F8: variants seen among roughly 807,000 people sequenced by gnomAD.
The protein encoded by F8 is coagulation factor VIII.
In F8, 12 loss-of-function variants were observed where a neutral mutation model predicts 140.6. The observed-to-expected ratio is 0.09, with a 90% CI of 0.05 to 0.14. The LOEUF (loss-of-function observed/expected upper bound fraction) is 0.14. Among genes scored for constraint, F8 ranks in the 10% least tolerant of loss-of-function variants. The pLI is 1.00. For missense variants in F8, 1,354 were observed against 1,720.7 expected (o/e 0.79, Z 3.77); for synonymous variants, 585 against 614.6 (o/e 0.95, Z 0.71).
intron 13 of F8, among the ~76,000 whole-genome samples, chrX:154,933,242 A>G (rs782588678): frequency 8.9e-6 from 1 of 112,541 alleles, no homozygotes; most frequent in South Asian, 3.7e-4. Flanking sequence ...AATTTCACAT[A>G]TACAAAATTT....
At position 154,968,233 on chromosome X, in the gene F8, G is replaced by A. The variant is rs1336368818; in HGVS notation, c.1009+1098C>T. Among the ~76,000 whole-genome samples the A allele has an allele frequency of 3.6e-5, 4 of 111,486 alleles. No individual in the cohort carries two copies. In the Admixed American group the frequency reaches 3.8e-4, roughly 11 times the overall value. On this transcript the variant is annotated intron_variant, in intron 7 of 25. Transcript: ENST00000360256. ...ACTAATGCAGTTATCTGGGGAAAGTGTTCATGGGAGTGGATTTGTTATCAC... is the reference window on the plus strand; with the variant it reads ...ACTAATGCAGTTATCTGGGGAAAGTATTCATGGGAGTGGATTTGTTATCAC...
intron 18 of F8, 88 bp from the exon 19 acceptor site, chrX:154,902,255 G>T: frequency 2.8e-6 from 2 of 706,288 alleles, no homozygotes; most frequent in Non-Finnish European, 2.3e-6. Flanking sequence ...TATCAGAGTA[G>T]ACCTACCAAA....
intron 1 of F8, among the ~76,000 whole-genome samples, chrX:155,003,469 T>C (rs983764671): frequency 9.5e-6 from 1 of 105,695 alleles, no homozygotes; most frequent in Admixed American, 1.0e-4. Flanking sequence ...AGGCTATGCA[T>C]GGGCCCAGAA....
chrX:154,982,841 G>C (rs2073536974), intron 6 of F8, among the ~76,000 whole-genome samples: 1 of 112,061 alleles, frequency 8.9e-6, no homozygotes, highest in South Asian at 3.7e-4. Context: ...TAGTGATGCT[G>C]GAAGTACTCC....
At chrX:154,859,414 T>C (rs1557272658) in intron 25 of F8, among the ~76,000 whole-genome samples, 1 of 108,105 alleles carries the variant, frequency 9.3e-6, no homozygotes, top group African/African-American at 3.4e-5. Context: ...GCCATTCTCC[T>C]GTCTCAGCCT....
rs147682299 is a variant in F8, at chrX:154,868,244, C to T, written c.6430-5017G>A. Reference sequence around the variant, plus strand: ...TGGATCATGGGGATGGTTTCCCCCACGCTGTTCTCCTGATAGTGAGTTCTT... The same window carrying T: ...TGGATCATGGGGATGGTTTCCCCCATGCTGTTCTCCTGATAGTGAGTTCTT... On this transcript the variant is annotated intron_variant, in intron 22 of 25. Transcript: ENST00000360256. Among the ~76,000 whole-genome samples the T allele has an allele frequency of 5.2e-4, 58 of 111,787 alleles. 1 individual carries two copies. The East Asian group carries it at 6.2e-3, about 12-fold the overall frequency.
At position 154,966,063 on chromosome X, in the gene F8, G is replaced by T. The variant is rs1557281954; in HGVS notation, c.1350C>A (p.Tyr450Ter). 8.3e-7 allele frequency: 1 copy of T among 1,209,972 alleles called. No individual in the cohort carries two copies. Among genetic ancestry groups the T allele is most frequent in the East Asian group, 3.0e-5 (1 of 33,846 alleles). The stretch of plus-strand genomic sequence containing the variant: ...CACGAGTCTTAAAGGTTTCATCTGT[G>T]TATGCCATAAATCGGACTTTTTTGT... ...RKYKKVRFMA[Y>*]TDETFKTREA... The change falls in exon 9 of 26, where the codon TAC becomes TAA. Residue 450 changes from tyrosine (Y) to a stop codon, truncating the protein, a stop_gained. Coordinates refer to ENST00000360256, the MANE Select transcript of F8 (RefSeq NM_000132.4). LOFTEE classifies it high-confidence loss of function.
At chrX:154,876,885 A>G (rs1273977926) in intron 22 of F8, among the ~76,000 whole-genome samples, 1 of 111,611 alleles carries the variant, frequency 9.0e-6, no homozygotes, top group Admixed American at 9.5e-5. Flanking sequence ...AAAATAATGA[A>G]TGTGTAGTCT....
intron 1 of F8, among the ~76,000 whole-genome samples, chrX:155,011,187 A>C (rs1342493559): frequency 2.7e-5 from 3 of 112,366 alleles, no homozygotes; most frequent in Non-Finnish European, 5.6e-5. Context: ...AGAATAAATA[A>C]AGAACTTATA....
rs1557278757 is a variant in F8, at chrX:154,930,978, T to C, written c.2812A>G (p.Thr938Ala). Reference protein sequence around the residue: ...MPVHYDSQLDTTLFGKKSSPL... With the variant: ...MPVHYDSQLDATLFGKKSSPL... ...GATGACTTTTTGCCAAATAGAGTGG[T>C]ATCTAATTGACTATCATAATGAACT... The change falls in exon 14 of 26, where the codon ACC becomes GCC. Residue 938 changes from threonine to alanine, a missense_variant. Around this residue, in one of 4 missense-constraint regions of F8, gnomAD observed 658 missense variants for 666.5 expected, o/e 0.99. Transcript: ENST00000360256. 8.4e-6 allele frequency: 10 copies of C among 1,191,902 alleles called. No individual in the cohort carries two copies. The highest frequency in any genetic ancestry group is 1.8e-5 in the African/African-American group (1 of 56,525).
At position 154,860,527 on chromosome X, in the gene F8, A is replaced by G. The variant is rs2072682569; in HGVS notation, c.6805T>C (p.Ser2269Pro). 1 of 1,210,739 alleles carries G rather than the reference A, an allele frequency of 8.3e-7. No individual in the cohort carries two copies. The highest frequency in any genetic ancestry group is 3.0e-5 in the East Asian group (1 of 33,839). ...TTCACATACATGCTGGTAAGCAGAG[A>G]TTTTACTCCCTGAGTAGTTACTCCT... ...VTGVTTQGVK[S>P]LLTSMYVKEF... The change falls in exon 25 of 26, where the codon TCT (serine) becomes CCT (proline). Residue 2269 changes from serine (S) to proline (P), a missense_variant. By Grantham distance (74) the Ser-to-Pro change is moderately conservative. Coordinates refer to ENST00000360256, the MANE Select transcript of F8 (RefSeq NM_000132.4).
chrX:154,914,068 G>A (rs2073082180), intron 14 of F8, among the ~76,000 whole-genome samples: 2 of 113,046 alleles, frequency 1.8e-5, no homozygotes, highest in South Asian at 3.6e-4. Flanking sequence ...TGAAATCTAG[G>A]TGGACATTCC....
intron 22 of F8, among the ~76,000 whole-genome samples, chrX:154,874,135 A>G (rs2072795194): frequency 8.9e-6 from 1 of 112,626 alleles, no homozygotes; most frequent in African/African-American, 3.2e-5. Flanking sequence ...GTAAGAAACA[A>G]CCCAATTAAA....
intron 22 of F8, among the ~76,000 whole-genome samples, chrX:154,868,115 T>C (rs1171886715): frequency 8.9e-6 from 1 of 111,923 alleles, no homozygotes; most frequent in Admixed American, 9.5e-5. Context: ...TTTTTCCTTT[T>C]AGATACTGAT....
At chrX:155,009,081 ATTT>A (rs781938309) in intron 1 of F8, among the ~76,000 whole-genome samples, 2 of 98,055 alleles carry the variant, frequency 2.0e-5, no homozygotes. Context: ...AGTAACATTA[ATTT>A]TTTTTTTTTT....
At chrX:154,897,776 G>C (rs2072989682) in intron 21 of F8, 1 of 112,597 alleles carries the variant, frequency 8.9e-6, no homozygotes, top group African/African-American at 3.2e-5. Flanking sequence ...TTTTCCAGCA[G>C]CCTTGCTAGA....
chrX:155,008,477 T>TG (rs1357115219), intron 1 of F8, among the ~76,000 whole-genome samples: 2 of 111,001 alleles, frequency 1.8e-5, no homozygotes, highest in African/African-American at 6.6e-5. Flanking sequence ...TGGCAGGGGC[T>TG]GGGGGTGCCA....
intron 14 of F8, among the ~76,000 whole-genome samples, chrX:154,912,441 T>C (rs1557276832): frequency 8.9e-6 from 1 of 112,569 alleles, no homozygotes; most frequent in African/African-American, 3.2e-5. Flanking sequence ...TTTCCCAACA[T>C]CATTTATTGA....
At chrX:154,963,264 G>C (rs1283822435) in intron 9 of F8, among the ~76,000 whole-genome samples, 1 of 111,800 alleles carries the variant, frequency 8.9e-6, no homozygotes, top group Admixed American at 9.5e-5. Context: ...GAATGTTTGT[G>C]ATTTTTGCAC....
Sources: allele counts gnomAD v4.1 joint callset (sites outside exome capture counted in the v4.1 genomes callset), GRCh38; gene constraint gnomAD v4.1.1; regional missense constraint gnomAD v4.1.1; transcripts MANE v1.5; gene names NCBI Gene and HGNC (gene_info 2026-07-23, HGNC 2026-07-21).